SREBF2: variants seen among roughly 807,000 people sequenced by gnomAD.
The protein encoded by SREBF2 is sterol regulatory element-binding protein 2.
In SREBF2, 55 loss-of-function variants were observed where a neutral mutation model predicts 113.1. The observed-to-expected ratio is 0.49, with a 90% confidence interval of 0.39 to 0.61. The LOEUF is 0.61. SREBF2 is among the 20% of genes least tolerant of loss of function. The pLI is 0.00. For missense variants in SREBF2, 1,349 were observed against 1,487.4 expected (o/e 0.91, Z 1.53); for synonymous variants, 593 against 605.7 (o/e 0.98, Z 0.31).
At chr22:41,901,065 G>A in intron 16 of SREBF2, 1 of 473,182 alleles carries the variant, frequency 2.1e-6, no homozygotes. Context: ...TATCAGGTGG[G>A]GGAGGGGATC....
chr22:41,899,257 A>G, intron 15 of SREBF2: 1 of 1,069,864 alleles, frequency 9.3e-7, no homozygotes, highest in South Asian at 3.0e-5. Context: ...CCCCACCATC[A>G]ACCCTGGCAA....
chr22:41,862,526 A>G (rs1036252782), intron 1 of SREBF2, among the ~76,000 whole-genome samples: 1 of 152,204 alleles, frequency 6.6e-6, no homozygotes, highest in Admixed American at 6.5e-5. Context: ...TCAAAGCTCC[A>G]TAAAACTCGC....
chr22:41,891,043 G>C (rs1444878424), intron 11 of SREBF2, among the ~76,000 whole-genome samples: 1 of 152,002 alleles, frequency 6.6e-6, no homozygotes, highest in African/African-American at 2.4e-5. Context: ...TTGGGCCCTC[G>C]TGAGGGACCA....
At position 41,856,823 on chromosome 22, in the gene SREBF2, C is replaced by G. The variant is rs113110907; in HGVS notation, c.89-10008C>G. On this transcript the variant is annotated intron_variant, in intron 1 of 18. Transcript: ENST00000361204. ...GGCACGGTGGCTTATGCCTATAATC[C>G]CAGCACTTTGGGAGGCTGAGGCAGG... Among the ~76,000 whole-genome samples the G allele has an allele frequency of 6.5e-3, 994 of 152,078 alleles. 9 individuals are homozygous for G. Among genetic ancestry groups the G allele is most frequent in the Middle Eastern group, 0.017 (5 of 294 alleles).
intron 17 of SREBF2, chr22:41,904,402 T>G: frequency 2.8e-6 from 1 of 361,314 alleles, no homozygotes; most frequent in Non-Finnish European, 5.5e-6. Context: ...GCTGCAGACT[T>G]TACCCGCACA....
intron 1 of SREBF2, among the ~76,000 whole-genome samples, chr22:41,849,122 C>G (rs971568927): frequency 6.6e-6 from 1 of 152,132 alleles, no homozygotes; most frequent in Non-Finnish European, 1.5e-5. Context: ...CAGCAGGTTC[C>G]TCTTGTACCA....
intron 1 of SREBF2, among the ~76,000 whole-genome samples, chr22:41,864,441 C>T (rs910711162): frequency 4.0e-5 from 6 of 149,730 alleles, no homozygotes; most frequent in Non-Finnish European, 8.9e-5. Flanking sequence ...CTGACTCAGC[C>T]TCCCGAGTAG....
In SREBF2 at chr22:41,835,387, C is replaced by T. The variant is rs530376277; in HGVS notation, c.88+2029C>T. ...GTGCAATGGCGCGATCTCGGCTCAC[C>T]GCAACCTCCACCTCCCGAGTTCAGG... On this transcript the variant is annotated intron_variant, in intron 1 of 18. Transcript: ENST00000361204. Among the ~76,000 whole-genome samples, 65 of 147,326 alleles carry T rather than the reference C, an allele frequency of 4.4e-4. 1 individual carries two copies. Among genetic ancestry groups the T allele is most frequent in the Middle Eastern group, 3.6e-3 (1 of 274 alleles).
Position 41,875,529 on chromosome 22 carries a change from G to A in SREBF2, c.1205-14G>A, listed in dbSNP as rs201189843. The A allele has an allele frequency of 4.2e-5, 67 of 1,614,218 alleles. No homozygotes were observed. The Admixed American group carries it at 1.0e-3, about 25-fold the overall frequency. On this transcript the variant is annotated splice_polypyrimidine_tract_variant and intron_variant, in intron 6 of 18. Coordinates refer to ENST00000361204, the MANE Select transcript of SREBF2 (RefSeq NM_004599.4). ...AAAGCAGATCATTTTCACCAGGTGG[G>A]GTTTTCTTTGCAGAGCTTCTAAAGG...
At position 41,905,934 on chromosome 22, in the gene SREBF2, G is replaced by A; in HGVS notation, c.*274G>A. The A allele has an allele frequency of 1.5e-6, 1 of 649,094 alleles. No individual in the cohort carries two copies. The highest frequency in any genetic ancestry group is 3.1e-5 in the East Asian group (1 of 32,582). The allele number at this position is 649,094 out of a possible 1,614,324, so 40.2% of individuals were successfully genotyped here. The stretch of plus-strand genomic sequence containing the variant: ...TGATAGCAGCAGGGGGAGCTCCCAA[G>A]CTGCCAAGCCCCTGCCTCCAGCCTT... On this transcript the variant is annotated 3_prime_UTR_variant, in exon 19 of 19. Coordinates refer to ENST00000361204, the MANE Select transcript of SREBF2 (RefSeq NM_004599.4).
intron 1 of SREBF2, among the ~76,000 whole-genome samples, chr22:41,854,309 C>T (rs2076958203): frequency 1.3e-5 from 2 of 151,066 alleles, no homozygotes; most frequent in South Asian, 4.2e-4. Flanking sequence ...TTACAGGCAC[C>T]CACCCCCACA....
At chr22:41,855,331 T>C (rs552402324) in intron 1 of SREBF2, among the ~76,000 whole-genome samples, 5 of 152,272 alleles carry the variant, frequency 3.3e-5, no homozygotes, top group Non-Finnish European at 5.9e-5. Flanking sequence ...AAGACCAGCC[T>C]AGCCAACATG....
chr22:41,864,445 C>T (rs1386561023), intron 1 of SREBF2, among the ~76,000 whole-genome samples: 3 of 149,524 alleles, frequency 2.0e-5, no homozygotes, highest in African/African-American at 4.9e-5. Flanking sequence ...CTCAGCCTCC[C>T]GAGTAGCTTG....
chr22:41,898,792 C>T lies in SREBF2; in HGVS notation c.2738+11C>T, dbSNP rs1283902249. ...CCTGGAAGTGACAGAGTGCGTAACC[C>T]TCCTTGGCCACTCACTTGCTTCTCT... On this transcript the variant is annotated intron_variant, in intron 15 of 18. Coordinates refer to ENST00000361204, the MANE Select transcript of SREBF2 (RefSeq NM_004599.4). 6.2e-7 allele frequency: 1 copy of T among 1,613,860 alleles called. No individual in the cohort carries two copies. Among genetic ancestry groups the T allele is most frequent in the Admixed American group, 1.7e-5 (1 of 59,998 alleles).
rs558229430 is a variant in SREBF2, at chr22:41,864,461, C to T, written c.89-2370C>T. On this transcript the variant is annotated intron_variant, in intron 1 of 18. Transcript: ENST00000361204. ...TCAGCCTCCCGAGTAGCTTGGACTA[C>T]AGGCGCCCACCACCACGCCCAGCTA... 2.9e-3 allele frequency among the ~76,000 whole-genome samples: 429 copies of T among 150,426 alleles called. 2 individuals carry two copies. Among genetic ancestry groups the T allele is most frequent in the African/African-American group, 9.6e-3 (395 of 40,934 alleles).
chr22:41,874,649 T>G (rs957006584), intron 5 of SREBF2, among the ~76,000 whole-genome samples: 1 of 152,256 alleles, frequency 6.6e-6, no homozygotes, highest in Non-Finnish European at 1.5e-5. Flanking sequence ...GGCTTACGCC[T>G]GTAATCCCAG....
chr22:41,905,352 C>A (rs1405099026), intron 18 of SREBF2, 88 bp from the exon 19 acceptor site: 2 of 1,258,036 alleles, frequency 1.6e-6, no homozygotes, highest in East Asian at 2.5e-5. Flanking sequence ...TGGATGTGAG[C>A]GTTCAGTGAA....
Position 41,905,902 on chromosome 22 carries a change from C to T in SREBF2, c.*242C>T, listed in dbSNP as rs989259900. The T allele has an allele frequency of 3.2e-5, 22 of 681,348 alleles. No homozygotes were observed. The highest frequency in any genetic ancestry group is 5.6e-5 in the Non-Finnish European group (21 of 372,544). 42.2% of individuals were successfully genotyped at this position (681,348 alleles called of 1,614,324 possible). A position where few individuals can be genotyped will look rare whatever the true frequency, so the allele number is the denominator to read the frequency against. ...GGTGGCAGGGCAGAAACTGGGCAGCCCTGACTTGATAGCAGCAGGGGGAGC... is the reference window on the plus strand; with the variant it reads ...GGTGGCAGGGCAGAAACTGGGCAGCTCTGACTTGATAGCAGCAGGGGGAGC... On this transcript the variant is annotated 3_prime_UTR_variant, in exon 19 of 19. Transcript: ENST00000361204.
At chr22:41,857,850 A>G (rs1241070087) in intron 1 of SREBF2, among the ~76,000 whole-genome samples, 1 of 152,074 alleles carries the variant, frequency 6.6e-6, no homozygotes, top group African/African-American at 2.4e-5. Flanking sequence ...TGTTCCCTAT[A>G]TTATTGCTTG....
Sources: allele counts gnomAD v4.1 joint callset (sites outside exome capture counted in the v4.1 genomes callset), GRCh38; gene constraint gnomAD v4.1.1; transcripts MANE v1.5; gene names NCBI Gene and HGNC (gene_info 2026-07-23, HGNC 2026-07-21).